MEIS1: variants seen among roughly 807,000 people sequenced by gnomAD.
MEIS1 encodes Meis homeobox 1, also known as homeobox protein Meis1.
A neutral mutation model predicts 50.8 loss-of-function variants in MEIS1; 5 were observed. That is an observed-to-expected ratio of 0.10 (90% confidence interval 0.05 to 0.21). The LOEUF (loss-of-function observed/expected upper bound fraction) is 0.21, where lower values mean the gene tolerates loss of function less well. Ranked by LOEUF, MEIS1 falls within the 10% of genes least tolerant of loss-of-function variation. MEIS1 has a pLI of 1.00. For synonymous variants in MEIS1, 176 were observed against 179.3 expected (o/e 0.98, Z 0.15); for missense variants, 318 against 517.3 (o/e 0.61, Z 3.74).
intron 7 of MEIS1, among the ~76,000 whole-genome samples, chr2:66,500,408 T>C (rs1466689701): frequency 7.2e-5 from 11 of 152,136 alleles, no homozygotes; most frequent in Admixed American, 7.2e-4. Flanking sequence ...GTCAGAAAGC[T>C]TTTTAAATTT....
chr2:66,551,752 C>T (rs78065978), intron 9 of MEIS1, among the ~76,000 whole-genome samples: 1,698 of 151,460 alleles, frequency 0.011, 31 homozygotes, highest in African/African-American at 0.039. Context: ...TAATCATTTT[C>T]GAAACATAAT....
chr2:66,475,441 T>C (rs1274813721), intron 7 of MEIS1, among the ~76,000 whole-genome samples: 2 of 151,012 alleles, frequency 1.3e-5, no homozygotes, highest in African/African-American at 2.4e-5. Flanking sequence ...TACAATAGGA[T>C]AAAAAATGTG....
At chr2:66,500,097 C>T (rs1673512843) in intron 7 of MEIS1, among the ~76,000 whole-genome samples, 1 of 152,204 alleles carries the variant, frequency 6.6e-6, no homozygotes, top group South Asian at 2.1e-4. Flanking sequence ...GATGAGCAAA[C>T]TTGAGAACTG....
At chr2:66,537,334 G>A (rs936838649) in intron 8 of MEIS1, among the ~76,000 whole-genome samples, 18 of 152,284 alleles carry the variant, frequency 1.2e-4, no homozygotes, top group African/African-American at 4.1e-4. Flanking sequence ...TTTGTATGCC[G>A]TCTTGATCAC....
At chr2:66,531,790 G>A (rs1428231738) in intron 8 of MEIS1, among the ~76,000 whole-genome samples, 2 of 152,214 alleles carry the variant, frequency 1.3e-5, no homozygotes, top group Admixed American at 1.3e-4. Context: ...CCTGACTGCA[G>A]CAGGGCCAAG....
chr2:66,555,917 T>C (rs1161810635), intron 9 of MEIS1, among the ~76,000 whole-genome samples: 2 of 152,216 alleles, frequency 1.3e-5, no homozygotes, highest in Non-Finnish European at 1.5e-5. Flanking sequence ...GGGAAGGAAG[T>C]GTTTCCGAGG....
chr2:66,479,202 G>A (rs1672962055), intron 7 of MEIS1, among the ~76,000 whole-genome samples: 1 of 152,184 alleles, frequency 6.6e-6, no homozygotes, highest in Non-Finnish European at 1.5e-5. Flanking sequence ...AGTACTTGTT[G>A]ACCTTGACTT....
chr2:66,461,421 G>C (rs963961663), intron 6 of MEIS1, among the ~76,000 whole-genome samples: 5 of 152,150 alleles, frequency 3.3e-5, no homozygotes, highest in Non-Finnish European at 7.4e-5. Flanking sequence ...TTCTTGTTCT[G>C]TTTTTGTAAC....
chr2:66,556,282 A>G (rs1675062420), intron 9 of MEIS1, among the ~76,000 whole-genome samples: 1 of 152,220 alleles, frequency 6.6e-6, no homozygotes, highest in Non-Finnish European at 1.5e-5. Context: ...GTTCCGACAT[A>G]TTTGAGAGGT....
At chr2:66,436,896 A>G (rs1573112374) in intron 1 of MEIS1, 2 of 909,032 alleles carry the variant, frequency 2.2e-6, no homozygotes, top group Non-Finnish European at 1.3e-6. Flanking sequence ...TTTCTGGAAG[A>G]GGAAGATGGA....
chr2:66,452,303 A>G (rs1672294622), intron 6 of MEIS1, among the ~76,000 whole-genome samples: 1 of 151,934 alleles, frequency 6.6e-6, no homozygotes, highest in Non-Finnish European at 1.5e-5. Flanking sequence ...TTCACTCTTG[A>G]ACATATAAAT....
At chr2:66,449,765 ACT>A (rs750643762) in intron 6 of MEIS1, among the ~76,000 whole-genome samples, 1 of 152,118 alleles carries the variant, frequency 6.6e-6, no homozygotes, top group Non-Finnish European at 1.5e-5. Context: ...TTCTTCAAAC[ACT>A]CTTGCTAAAT....
intron 6 of MEIS1, among the ~76,000 whole-genome samples, chr2:66,459,057 A>C (rs531509354): frequency 1.3e-5 from 2 of 152,324 alleles, no homozygotes; most frequent in Admixed American, 6.5e-5. Context: ...AAAGAGTGAA[A>C]GGCTAGAAGT....
chr2:66,511,625 C>T (rs1673831915), intron 7 of MEIS1, among the ~76,000 whole-genome samples: 2 of 152,192 alleles, frequency 1.3e-5, no homozygotes, highest in South Asian at 4.2e-4. Context: ...TGAAGCATTC[C>T]TATGTCAAAC....
chr2:66,467,628 C>T (rs1394697254), intron 7 of MEIS1, among the ~76,000 whole-genome samples: 2 of 151,892 alleles, frequency 1.3e-5, no homozygotes, highest in Non-Finnish European at 2.9e-5. Flanking sequence ...CAATCGTGGG[C>T]ATTCTAAAGA....
intron 8 of MEIS1, among the ~76,000 whole-genome samples, chr2:66,516,428 C>A (rs1232701956): frequency 6.6e-6 from 1 of 152,178 alleles, no homozygotes; most frequent in Non-Finnish European, 1.5e-5. Context: ...CATTCACCAT[C>A]CTGAGGATCC....
chr2:66,508,839 T>C (rs1294365063), intron 7 of MEIS1: 1 of 350,404 alleles, frequency 2.9e-6, no homozygotes, highest in Non-Finnish European at 5.9e-6. Flanking sequence ...AGCCTACTGC[T>C]ATCCTAATGA....
chr2:66,554,427 G>C (rs1675001555), intron 9 of MEIS1, among the ~76,000 whole-genome samples: 1 of 152,218 alleles, frequency 6.6e-6, no homozygotes, highest in South Asian at 2.1e-4. Context: ...ATAGGGATGA[G>C]GGGCTGAGAG....
chr2:66,521,551 G>T (rs1443685550), intron 8 of MEIS1, among the ~76,000 whole-genome samples: 3 of 152,234 alleles, frequency 2.0e-5, no homozygotes, highest in African/African-American at 4.8e-5. Context: ...TGACACCGAG[G>T]TCTGATCATT....
Sources: allele counts gnomAD v4.1 joint callset (sites outside exome capture counted in the v4.1 genomes callset), GRCh38; gene constraint gnomAD v4.1.1; transcripts MANE v1.5; gene names NCBI Gene and HGNC (gene_info 2026-07-23, HGNC 2026-07-21).